Variants in SERINC2 observed in about 807,000 individuals in gnomAD.
SERINC2 encodes serine incorporator 2, also known as tumor differentially expressed protein 2.
A neutral mutation model predicts 54.2 loss-of-function variants in SERINC2; 56 were observed. That is an observed-to-expected ratio of 1.03 (90% CI 0.83 to 1.29). The LOEUF is 1.29. Among genes scored for constraint, SERINC2 ranks in the 50% most tolerant of loss-of-function variants. The pLI is 0.00. For missense variants in SERINC2, 614 were observed against 607.4 expected, an observed-to-expected ratio of 1.01 and a Z score of -0.12; for synonymous variants, 272 against 253.1, an observed-to-expected ratio of 1.07 and a Z score of -0.71.
intron 1 of SERINC2, among the ~76,000 whole-genome samples, chr1:31,417,651 T>A (rs1478202042): frequency 6.6e-6 from 1 of 152,154 alleles, no homozygotes; most frequent in East Asian, 1.9e-4. Context: ...AACTTTTTCA[T>A]CTTCCCAGAC....
chr1:31,429,711 A>G (rs1641144793), intron 8 of SERINC2, among the ~76,000 whole-genome samples, 173 bp downstream of exon 8: 1 of 152,204 alleles, frequency 6.6e-6, no homozygotes, highest in Non-Finnish European at 1.5e-5. Flanking sequence ...GCATGGCATG[A>G]GTGGGCAACA....
At position 31,434,088 on chromosome 1, in the gene SERINC2, C is replaced by G. The variant is rs1641398879; in HGVS notation, c.1257C>G (p.Ile419Met). Residue 419 changes from isoleucine to methionine, a missense_variant, in exon 10 of 10, where the codon ATC becomes ATG. Physicochemically the swap from Ile to Met is conservative, Grantham distance 10 (BLOSUM62 1). Coordinates refer to ENST00000373709, the MANE Select transcript of SERINC2 (RefSeq NM_178865.5). ...WYKPGETRKMISTWTAVWVKI... is the reference protein window; with the variant it reads ...WYKPGETRKMMSTWTAVWVKI... ...GGCCCGGTGAGACCCGGAAGATGAT[C>G]AGCACGTGGACCGCCGTGTGGGTGA... 1 of 1,613,886 alleles carries G rather than the reference C, an allele frequency of 6.2e-7. No homozygotes were observed.
upstream of SERINC2, among the ~76,000 whole-genome samples, chr1:31,411,761 G>A (rs1470244067): frequency 1.3e-5 from 2 of 152,046 alleles, no homozygotes; most frequent in African/African-American, 4.8e-5. Flanking sequence ...ACTTTGGGAG[G>A]CCAAGGCAGG....
chr1:31,413,103 T>A, upstream of SERINC2: 2 of 995,922 alleles, frequency 2.0e-6, no homozygotes, highest in Non-Finnish European at 2.4e-6. This position sits in a 1 kb window ranked among gnomAD's most constrained non-coding sequence, Gnocchi z 5.0. Context: ...CCCAGGTGAG[T>A]CTGGGGAGGC....
At chr1:31,418,722 C>G (rs1451546322) in intron 1 of SERINC2, among the ~76,000 whole-genome samples, 4 of 152,180 alleles carry the variant, frequency 2.6e-5, no homozygotes, top group African/African-American at 7.2e-5. Flanking sequence ...TCAGCTGCCT[C>G]CCTTACCCAC....
intron 1 of SERINC2, chr1:31,414,664 C>T: frequency 1.0e-6 from 1 of 985,376 alleles, no homozygotes; most frequent in Non-Finnish European, 1.2e-6. Flanking sequence ...GCCTGAAATC[C>T]CTCCCAGCCC....
intron 1 of SERINC2, among the ~76,000 whole-genome samples, chr1:31,418,078 C>T (rs1934289): frequency 0.44 from 66,469 of 151,804 alleles, 15,138 homozygotes; most frequent in East Asian, 0.66. Flanking sequence ...AGGCTGGTCT[C>T]GAACCCCTGA....
chr1:31,413,999 A>G lies in SERINC2; in HGVS notation c.39+695A>G. On this transcript the variant is annotated intron_variant, in intron 1 of 9. Transcript: ENST00000373709. This position sits in a 1 kb window ranked among gnomAD's most constrained non-coding sequence, Gnocchi z 5.0. ...GCTCGCCCCGGATCATCTGGGCCCC[A>G]GCGCGGAGACTGGGATGGGAGCGGA... 3.9e-6 allele frequency: 6 copies of G among 1,528,240 alleles called. No homozygotes were observed. Among genetic ancestry groups the G allele is most frequent in the Non-Finnish European group, 5.2e-6 (6 of 1,144,016 alleles). 94.7% of individuals were successfully genotyped at this position (1,528,240 alleles called of 1,614,324 possible).
At chr1:31,423,534 A>C (rs901570778) in intron 1 of SERINC2, among the ~76,000 whole-genome samples, 159 bp from the exon 2 acceptor site, 12 of 152,296 alleles carry the variant, frequency 7.9e-5, no homozygotes, top group African/African-American at 2.9e-4. Flanking sequence ...TATATGACCC[A>C]GCCTCCCTCT....
rs1641412163 is a variant in SERINC2, at chr1:31,434,353, T to A, written c.*154T>A. The A allele has an allele frequency of 1.4e-6, 1 of 723,902 alleles. No homozygotes were observed. Among genetic ancestry groups the A allele is most frequent in the African/African-American group, 1.8e-5 (1 of 56,350 alleles). The allele number at this position is 723,902 out of a possible 1,614,324, so 44.8% of individuals were successfully genotyped here. Reference sequence around the variant, plus strand: ...CCTGCCCCTGAGCCGGGCCTTCTAGTCGTAGTGCCTTCAGGGTCCGAGGAG... The same window carrying A: ...CCTGCCCCTGAGCCGGGCCTTCTAGACGTAGTGCCTTCAGGGTCCGAGGAG... On this transcript the variant is annotated 3_prime_UTR_variant, in exon 10 of 10. Transcript: ENST00000373709.
chr1:31,425,671 T>A, intron 4 of SERINC2, 105 bp from the exon 5 acceptor site: 1 of 1,399,064 alleles, frequency 7.1e-7, no homozygotes, highest in Non-Finnish European at 9.9e-7. Context: ...GCAGGGACTC[T>A]GTTCTTCTCA....
chr1:31,431,586 C>A (rs1454919767), intron 8 of SERINC2, among the ~76,000 whole-genome samples: 1 of 152,244 alleles, frequency 6.6e-6, no homozygotes, highest in East Asian at 1.9e-4. Context: ...TGCTTCCACA[C>A]CCACAGCTCC....
chr1:31,429,065 C>G lies in SERINC2; in HGVS notation c.868C>G (p.Pro290Ala), dbSNP rs140075675. The G allele has an allele frequency of 2.5e-6, 4 of 1,613,116 alleles. No homozygotes were observed. The African/African-American group carries it at 4.0e-5, about 16-fold the overall frequency. ...CACCTGGTCAGCCCTATCCAGTATCCCTGGTAAGTATGGGCCCAGGCTCAA... is the reference window on the plus strand; with the variant it reads ...CACCTGGTCAGCCCTATCCAGTATCGCTGGTAAGTATGGGCCCAGGCTCAA... ...FVTWSALSSI[P>A]EQKCNPHLPT... is the part of the protein sequence containing the mutation. The change falls in exon 7 of 10, where the codon CCT (proline) becomes GCT (alanine). Residue 290 changes from proline to alanine, a missense_variant. Physicochemically the swap from Pro to Ala is conservative, Grantham distance 27. Transcript: ENST00000373709.
At chr1:31,423,957 C>A in intron 2 of SERINC2, 103 bp downstream of exon 2, 1 of 1,151,260 alleles carries the variant, frequency 8.7e-7, no homozygotes. Flanking sequence ...GAAGAGGAGG[C>A]AGGGTGTTTG....
At chr1:31,418,507 C>T (rs1331042537) in intron 1 of SERINC2, among the ~76,000 whole-genome samples, 2 of 152,264 alleles carry the variant, frequency 1.3e-5, no homozygotes, top group Non-Finnish European at 2.9e-5. Context: ...TCCTGAGTAG[C>T]TGGAATTACA....
intron 4 of SERINC2, 145 bp from the exon 5 acceptor site, chr1:31,425,631 C>T (rs1399338477): frequency 9.1e-7 from 1 of 1,095,576 alleles, no homozygotes; most frequent in South Asian, 1.4e-5. Context: ...CATATCCTGC[C>T]CTCTGTGCGT....
intron 8 of SERINC2, among the ~76,000 whole-genome samples, chr1:31,432,619 T>C (rs530898972): frequency 6.6e-6 from 1 of 152,148 alleles, no homozygotes; most frequent in Non-Finnish European, 1.5e-5. Context: ...AAAGGAACAA[T>C]CCTAACAATA....
intron 8 of SERINC2, among the ~76,000 whole-genome samples, chr1:31,431,479 C>T (rs1328500388): frequency 6.6e-6 from 1 of 152,028 alleles, no homozygotes; most frequent in African/African-American, 2.4e-5. Flanking sequence ...AGGCCATGAG[C>T]ACATGGTGGC....
At chr1:31,418,690 A>G (rs1230233200) in intron 1 of SERINC2, among the ~76,000 whole-genome samples, 1 of 152,082 alleles carries the variant, frequency 6.6e-6, no homozygotes, top group Non-Finnish European at 1.5e-5. Flanking sequence ...GTTTGTTTTA[A>G]ATAGAAAAAT....
Sources: gnomAD v4.1 joint callset for allele counts (sites outside exome capture counted in the v4.1 genomes callset) on GRCh38, gnomAD v4.1.1 for gene constraint, Gnocchi (gnomAD v3.1) non-coding constraint, MANE v1.5 for transcripts, NCBI Gene and HGNC (gene_info 2026-07-23, HGNC 2026-07-21) for gene names.